Variants in GYG1 observed in about 807,000 individuals in gnomAD.
GYG1 encodes glycogenin-1.
GYG1 carries 44 observed loss-of-function variants against 41.9 expected under a neutral mutation model. The ratio of observed to expected loss-of-function variants is 1.05; its 90% CI spans 0.83 to 1.35. The LOEUF (loss-of-function observed/expected upper bound fraction) is 1.35. GYG1 is among the 40% of genes most tolerant of loss of function. GYG1 has a pLI of 0.00. For missense variants in GYG1, 429 were observed against 418.9 expected, an observed-to-expected ratio of 1.02 and a Z score of -0.21; for synonymous variants, 141 against 158.1, an observed-to-expected ratio of 0.89 and a Z score of 0.81.
chr3:149,012,653 C>G (rs930962951), intron 5 of GYG1, among the ~76,000 whole-genome samples: 1 of 151,846 alleles, frequency 6.6e-6, no homozygotes, highest in African/African-American at 2.4e-5. Flanking sequence ...ATAAAGGAAA[C>G]AAACTAATAG....
At chr3:148,994,054 C>T in intron 1 of GYG1, 88 bp from the exon 2 acceptor site, 1 of 1,202,132 alleles carries the variant, frequency 8.3e-7, no homozygotes, top group African/African-American at 1.5e-5. Flanking sequence ...ACTGGTTTTG[C>T]TGAATTACTG....
chr3:149,018,428 G>A (rs1250177224), intron 5 of GYG1, among the ~76,000 whole-genome samples: 1 of 152,042 alleles, frequency 6.6e-6, no homozygotes, highest in African/African-American at 2.4e-5. Context: ...GCCATTGTTC[G>A]GTCCAGGCAG....
chr3:149,010,053 T>C (rs1713630605), intron 5 of GYG1, among the ~76,000 whole-genome samples: 1 of 152,186 alleles, frequency 6.6e-6, no homozygotes, highest in Non-Finnish European at 1.5e-5. Context: ...CACGTTAGAT[T>C]GTTAGTCATT....
At chr3:149,009,130 G>T in intron 4 of GYG1, 146 bp from the exon 5 acceptor site, 1 of 618,866 alleles carries the variant, frequency 1.6e-6, no homozygotes, top group Non-Finnish European at 2.8e-6. Flanking sequence ...CTGCACTCCA[G>T]CTTGGGTGAC....
intron 4 of GYG1, among the ~76,000 whole-genome samples, chr3:149,000,013 G>C (rs548336229): frequency 2.6e-5 from 4 of 152,182 alleles, no homozygotes; most frequent in African/African-American, 4.8e-5. Context: ...AGCCACACAG[G>C]CTGTTGATGG....
Position 149,026,468 on chromosome 3 carries a change from A to G in GYG1, c.845A>G (p.Tyr282Cys), listed in dbSNP as rs1576556766. 5 of 1,605,520 alleles carry G rather than the reference A, an allele frequency of 3.1e-6. No individual in the cohort carries two copies. In the South Asian group the frequency reaches 3.3e-5, roughly 11 times the overall value. ...SYVNVLSDLV[Y>C]TLAFSCGFCR... ...TGTTTGCAGCTTTCAGACTTGGTCT[A>G]TACACTGGCTTTCTCTTGTGGCTTC... The change falls in exon 7 of 8, where the codon TAT becomes TGT. Residue 282 changes from tyrosine to cysteine, a missense_variant. Transcript: ENST00000345003.
intron 1 of GYG1, among the ~76,000 whole-genome samples, chr3:148,993,794 G>T (rs912848200): frequency 2.6e-4 from 39 of 152,248 alleles, no homozygotes; most frequent in South Asian, 6.2e-4. Flanking sequence ...CCTTGTAGAA[G>T]AAACAGCAAA....
intron 4 of GYG1, 178 bp from the exon 5 acceptor site, chr3:149,009,098 G>C: frequency 1.8e-6 from 1 of 547,326 alleles, no homozygotes; most frequent in East Asian, 3.3e-5. Flanking sequence ...GGCAGAGGTT[G>C]CAGTGAGCTG....
At chr3:149,018,995 C>T (rs933275855) in intron 5 of GYG1, among the ~76,000 whole-genome samples, 1 of 149,222 alleles carries the variant, frequency 6.7e-6, no homozygotes, top group African/African-American at 2.5e-5. Context: ...GCTTGCACTT[C>T]AGAGGTTGAA....
intron 5 of GYG1, among the ~76,000 whole-genome samples, chr3:149,014,221 A>G (rs1349252338): frequency 2.0e-5 from 3 of 152,106 alleles, no homozygotes; most frequent in Non-Finnish European, 4.4e-5. Context: ...CTATCTGGTC[A>G]TTCTGACCTC....
chr3:148,994,006 C>CT (rs759960085), intron 1 of GYG1, 136 bp from the exon 2 acceptor site: 106 of 790,140 alleles, frequency 1.3e-4, no homozygotes, highest in Non-Finnish European at 2.2e-4. Context: ...CCCCAAAGGG[C>CT]TACAGCTTGA....
chr3:149,007,114 CTTTT>C (rs1047683873), intron 4 of GYG1, among the ~76,000 whole-genome samples: 1 of 152,172 alleles, frequency 6.6e-6, no homozygotes, highest in Admixed American at 6.5e-5. Context: ...TCATAGACAG[CTTTT>C]TTATTTTTGT....
At chr3:149,004,351 T>C (rs1446915471) in intron 4 of GYG1, among the ~76,000 whole-genome samples, 2 of 152,244 alleles carry the variant, frequency 1.3e-5, no homozygotes, top group South Asian at 2.1e-4. Flanking sequence ...GTTTTTGTTA[T>C]GGAAAATCAG....
At chr3:148,992,128 C>T (rs978089934) in intron 1 of GYG1, among the ~76,000 whole-genome samples, 2 of 152,220 alleles carry the variant, frequency 1.3e-5, no homozygotes, top group Non-Finnish European at 1.5e-5. Flanking sequence ...CCGCCCGCCC[C>T]GGCCCCGGCC....
intron 4 of GYG1, among the ~76,000 whole-genome samples, chr3:149,008,681 G>A (rs1208647665): frequency 6.6e-6 from 1 of 152,176 alleles, no homozygotes; most frequent in Non-Finnish European, 1.5e-5. Context: ...TGCTGTTGGT[G>A]TCTCCCACCT....
chr3:149,020,424 C>T (rs936838624), intron 5 of GYG1, among the ~76,000 whole-genome samples: 2 of 152,232 alleles, frequency 1.3e-5, no homozygotes, highest in Non-Finnish European at 2.9e-5. Context: ...AGAGCCTTGG[C>T]TCTGCAGCCA....
At chr3:148,997,050 A>G (rs1200972642) in intron 4 of GYG1, 146 bp downstream of exon 4, 5 of 634,492 alleles carry the variant, frequency 7.9e-6, no homozygotes, top group Non-Finnish European at 1.4e-5. Context: ...TCTTCTGGGA[A>G]ATATTGTGTG....
intron 4 of GYG1, among the ~76,000 whole-genome samples, chr3:148,998,792 TAA>T (rs1712945938): frequency 6.6e-6 from 1 of 152,206 alleles, no homozygotes; most frequent in African/African-American, 2.4e-5. Flanking sequence ...TACCTTTGCA[TAA>T]AAGAGGAGAG....
chr3:149,023,948 T>C, intron 5 of GYG1, 105 bp from the exon 6 acceptor site: 1 of 803,806 alleles, frequency 1.2e-6, no homozygotes, highest in Non-Finnish European at 2.2e-6. Context: ...AGTGAGACAC[T>C]GTCTCTTAAG....
Sources: gnomAD v4.1 joint callset for allele counts (sites outside exome capture counted in the v4.1 genomes callset) on GRCh38, gnomAD v4.1.1 for gene constraint, MANE v1.5 for transcripts, NCBI Gene and HGNC (gene_info 2026-07-23, HGNC 2026-07-21) for gene names.